ANKRD36: variants seen among roughly 807,000 people sequenced by gnomAD.
ANKRD36 encodes the protein ankyrin repeat domain 36.
A neutral mutation model predicts 278.1 loss-of-function variants in ANKRD36; 179 were observed. That is an observed-to-expected ratio of 0.64 (90% CI 0.57 to 0.73). The LOEUF is 0.73. Among genes scored for constraint, ANKRD36 ranks in the 30% least tolerant of loss-of-function variants. ANKRD36 has a pLI of 0.00. For synonymous variants in ANKRD36, 320 were observed against 641.1 expected (o/e 0.50, Z 7.57); for missense variants, 1,159 against 1,956.7 (o/e 0.59, Z 7.69).
chr2:97,179,724 C>G lies in ANKRD36; in HGVS notation c.1634-14C>G, dbSNP rs777860802. The G allele has an allele frequency of 4.6e-5, 74 of 1,593,126 alleles. No homozygotes were observed. Among genetic ancestry groups the G allele is most frequent in the East Asian group, 2.2e-5 (1 of 44,588 alleles). On this transcript the variant is annotated splice_polypyrimidine_tract_variant and intron_variant, in intron 22 of 75. Coordinates refer to ENST00000420699, the MANE Select transcript of ANKRD36 (RefSeq NM_001354587.1). The stretch of plus-strand genomic sequence containing the variant: ...TTTACATATGATTGATTATGTATCC[C>G]TTTTGCTTTTCAGTGTCTTCTCAGA...
Position 97,208,036 on chromosome 2 carries a change from T to G in ANKRD36, c.3265+30T>G, listed in dbSNP as rs1372309136. ...TTTTGAAAAGAGATTTAATGTCATG[T>G]TCAGTGCAGATAGATAAGAAGTTCT... On this transcript the variant is annotated intron_variant, in intron 54 of 75. Transcript: ENST00000420699. 4 of 1,491,842 alleles carry G rather than the reference T, an allele frequency of 2.7e-6. 1 individual carries two copies. Among genetic ancestry groups the G allele is most frequent in the African/African-American group, 3.1e-5 (2 of 64,320 alleles). 92.4% of individuals were successfully genotyped at this position (1,491,842 alleles called of 1,614,324 possible). A position where few individuals can be genotyped will look rare whatever the true frequency, so the allele number is the denominator to read the frequency against.
chr2:97,132,083 T>A (rs1213673316), intron 6 of ANKRD36, among the ~76,000 whole-genome samples: 1 of 151,754 alleles, frequency 6.6e-6, no homozygotes, highest in Non-Finnish European at 1.5e-5. Flanking sequence ...CGCCCCAGCC[T>A]CCCAAAGTGT....
At chr2:97,154,852 T>G in intron 15 of ANKRD36, 111 bp downstream of exon 15, 1 of 950,678 alleles carries the variant, frequency 1.1e-6, no homozygotes, top group Non-Finnish European at 1.5e-6. Context: ...TGTTTTATGT[T>G]AGTATTAAAA....
At chr2:97,172,397 G>A (rs1225582677) in intron 22 of ANKRD36, among the ~76,000 whole-genome samples, 2 of 151,820 alleles carry the variant, frequency 1.3e-5, no homozygotes, top group East Asian at 1.9e-4. Flanking sequence ...TCTTCATGCC[G>A]ATACCATATA....
intron 22 of ANKRD36, among the ~76,000 whole-genome samples, chr2:97,168,398 C>T (rs1419307332): frequency 6.6e-6 from 1 of 152,294 alleles, no homozygotes; most frequent in Admixed American, 6.5e-5. Flanking sequence ...GCCTTAGAGT[C>T]TTTGATACTA....
At chr2:97,225,159 G>T (rs1242600063) in intron 67 of ANKRD36, among the ~76,000 whole-genome samples, 2 of 151,518 alleles carry the variant, frequency 1.3e-5, no homozygotes, top group Non-Finnish European at 2.9e-5. Context: ...AATAAAGAAG[G>T]TAACATCAAA....
intron 20 of ANKRD36, among the ~76,000 whole-genome samples, chr2:97,166,337 A>G (rs1159660734): frequency 7.5e-5 from 11 of 146,596 alleles, no homozygotes; most frequent in African/African-American, 2.5e-4. Context: ...AGAGGAGGAC[A>G]TGGGGCTGCT....
At chr2:97,178,997 G>A (rs2055291392) in intron 22 of ANKRD36, among the ~76,000 whole-genome samples, 1 of 151,526 alleles carries the variant, frequency 6.6e-6, no homozygotes, top group African/African-American at 2.4e-5. Flanking sequence ...TCTAATGCTT[G>A]TAGAAACTTT....
At chr2:97,206,709 T>C (rs1401579899) in intron 52 of ANKRD36, among the ~76,000 whole-genome samples, 1 of 151,476 alleles carries the variant, frequency 6.6e-6, no homozygotes, top group Non-Finnish European at 1.5e-5. Context: ...TAAAAAGTAC[T>C]TGATTTTGGC....
rs774809817 is a variant in ANKRD36 at position 97,243,934 on chromosome 2, C to T, written c.4396C>T (p.Gln1466Ter). 2.5e-6 allele frequency: 4 copies of T among 1,603,910 alleles called. No individual in the cohort carries two copies. The South Asian group carries it at 4.4e-5, about 18-fold the overall frequency. Residue 1466 changes from glutamine to a stop codon, truncating the protein, a stop_gained, in exon 70 of 76, where the codon CAA (glutamine) becomes TAA (stop). Coordinates refer to ENST00000420699, the MANE Select transcript of ANKRD36 (RefSeq NM_001354587.1). LOFTEE classifies it high-confidence loss of function. ...VREKLRITEE[Q>*]YRIEADVTKP... The stretch of plus-strand genomic sequence containing the variant: ...GGAAAAGTTAAGAATAACAGAAGAG[C>T]AATATAGGATAGAAGCTGATGTGAC...
intron 6 of ANKRD36, among the ~76,000 whole-genome samples, chr2:97,133,480 A>G (rs2040688539): frequency 6.6e-6 from 1 of 151,882 alleles, no homozygotes; most frequent in East Asian, 1.9e-4. Context: ...TAAAATAAAA[A>G]ATTTGTTTCA....
In ANKRD36 at chr2:97,207,796, C is replaced by A. The variant is rs762665591; in HGVS notation, c.3164-15C>A. Reference sequence around the variant, plus strand: ...TTTTACACATGAGTGATTATGAATCCCTTTTACTTTTCAGTGTCTTCTGAG... The same window carrying A: ...TTTTACACATGAGTGATTATGAATCACTTTTACTTTTCAGTGTCTTCTGAG... On this transcript the variant is annotated splice_polypyrimidine_tract_variant and intron_variant, in intron 52 of 75. Transcript: ENST00000420699. The A allele has an allele frequency of 1.1e-5, 17 of 1,545,520 alleles. No homozygotes were observed. The Middle Eastern group carries it at 9.2e-4, about 83-fold the overall frequency.
At chr2:97,230,639 C>A (rs1301671950) in intron 67 of ANKRD36, among the ~76,000 whole-genome samples, 1 of 152,090 alleles carries the variant, frequency 6.6e-6, no homozygotes, top group African/African-American at 2.4e-5. Context: ...TCTCTCAACT[C>A]GTCAAAGTCA....
Position 97,226,635 on chromosome 2 carries a change from T to C in ANKRD36, c.3951+1756T>C, listed in dbSNP as rs564873721. On this transcript the variant is annotated intron_variant, in intron 67 of 75. Transcript: ENST00000420699. The stretch of plus-strand genomic sequence containing the variant: ...GCAAAATCTCTTCAGTTTAATTAGA[T>C]CCCATCTGTCAATTTTGGCTTTTGT... Among the ~76,000 whole-genome samples the C allele has an allele frequency of 9.0e-4, 137 of 152,116 alleles. No individual in the cohort carries two copies. In the East Asian group the frequency reaches 0.011, roughly 12 times the overall value.
chr2:97,209,949 A>C, intron 56 of ANKRD36, 77 bp downstream of exon 56: 2 of 1,508,766 alleles, frequency 1.3e-6, no homozygotes, highest in Admixed American at 2.2e-5. Flanking sequence ...AAATCAGCGG[A>C]GGGCTCGTTG....
chr2:97,187,494 G>GCCCCCCC, intron 32 of ANKRD36, 93 bp downstream of exon 32: 2 of 95,512 alleles, frequency 2.1e-5, no homozygotes, highest in African/African-American at 5.6e-5. Flanking sequence ...GGGTGGGGGG[G>GCCCCCCC]CTCGCCGAAG....
At chr2:97,210,240 A>G (rs1232624314) in intron 56 of ANKRD36, among the ~76,000 whole-genome samples, 1 of 151,882 alleles carries the variant, frequency 6.6e-6, no homozygotes, top group Non-Finnish European at 1.5e-5. Context: ...TGCTAAAAAC[A>G]GACAGATAAC....
intron 50 of ANKRD36, 118 bp from the exon 51 acceptor site, chr2:97,205,822 A>T (rs1224471447): frequency 7.4e-7 from 1 of 1,353,080 alleles, no homozygotes; most frequent in Non-Finnish European, 1.0e-6. Context: ...AGTAGAAGCC[A>T]TCAAAGCCTA....
At chr2:97,182,587 T>C (rs2056501290) in intron 26 of ANKRD36, among the ~76,000 whole-genome samples, 1 of 150,532 alleles carries the variant, frequency 6.6e-6, no homozygotes, top group Non-Finnish European at 1.5e-5. Flanking sequence ...AATAACATGA[T>C]ATTTTATACC....
Sources: gnomAD v4.1 joint callset for allele counts (sites outside exome capture counted in the v4.1 genomes callset) on GRCh38, gnomAD v4.1.1 for gene constraint, MANE v1.5 for transcripts, NCBI Gene and HGNC (gene_info 2026-07-23, HGNC 2026-07-21) for gene names.